The following KIF26B variants were observed in gnomAD, a reference collection of about 807,000 sequenced individuals.
KIF26B encodes the protein kinesin family member 26B, also known as kinesin-like protein KIF26B.
Under a neutral mutation model 151.2 loss-of-function variants are expected in KIF26B, and 63 were observed. That is an observed-to-expected ratio of 0.42 (90% CI 0.34 to 0.51). The LOEUF (loss-of-function observed/expected upper bound fraction) is 0.51, where lower values mean the gene tolerates loss of function less well. KIF26B is among the 20% of genes least tolerant of loss of function. The pLI, the probability that KIF26B is intolerant of heterozygous loss-of-function variation, is 0.07. For missense variants in KIF26B, 2,813 were observed against 2,913.6 expected, an observed-to-expected ratio of 0.97 and a Z score of 0.79; for synonymous variants, 1,357 against 1,262.1, an observed-to-expected ratio of 1.08 and a Z score of -1.59.
At chr1:245,320,956 G>A (rs1035678046) in intron 2 of KIF26B, among the ~76,000 whole-genome samples, 2 of 152,180 alleles carry the variant, frequency 1.3e-5, no homozygotes, top group African/African-American at 4.8e-5. Flanking sequence ...GGGATTACAG[G>A]CGTAAGCCAC....
intron 2 of KIF26B, among the ~76,000 whole-genome samples, chr1:245,303,230 G>T (rs1366016610): frequency 8.1e-6 from 1 of 123,716 alleles, no homozygotes; most frequent in Admixed American, 9.6e-5. Flanking sequence ...ACGGAGTCTC[G>T]CTTTGTCGCC....
intron 2 of KIF26B, among the ~76,000 whole-genome samples, chr1:245,308,218 G>C (rs1304245198): frequency 6.6e-6 from 1 of 152,136 alleles, no homozygotes; most frequent in Non-Finnish European, 1.5e-5. Context: ...CACGCTCCTG[G>C]AATTCTGGGA....
At position 245,614,527 on chromosome 1, in the gene KIF26B, C is replaced by G. The variant is rs533010059; in HGVS notation, c.2098+2551C>G. Among the ~76,000 whole-genome samples the G allele has an allele frequency of 2.7e-3, 407 of 152,336 alleles. 1 individual carries two copies. The highest frequency in any genetic ancestry group is 4.5e-3 in the Non-Finnish European group (304 of 68,040). On this transcript the variant is annotated intron_variant, in intron 9 of 14. Coordinates refer to ENST00000407071, the MANE Select transcript of KIF26B (RefSeq NM_018012.4). ...CTTGGTTCCTACCCTACCACCAGGA[C>G]AGAATGAAAATATCCACAGCTGGGG...
chr1:245,216,846 C>T (rs1669656468), intron 2 of KIF26B, among the ~76,000 whole-genome samples: 1 of 152,206 alleles, frequency 6.6e-6, no homozygotes, highest in Non-Finnish European at 1.5e-5. Context: ...CACGTTCCTG[C>T]CTCAACTGCG....
chr1:245,512,294 GC>G lies in KIF26B; in HGVS notation c.1167-28468del, dbSNP rs1660855504. Among the ~76,000 whole-genome samples, 1 of 152,034 alleles carries G rather than the reference GC, an allele frequency of 6.6e-6. No individual in the cohort carries two copies. Among genetic ancestry groups the G allele is most frequent in the Admixed American group, 6.5e-5 (1 of 15,268 alleles). ...ACCTGTCCACCCTGCCTGTTTCCCA[GC>G]CCCCATCCTTCTCTCTGAGTCTTGG... On this transcript the variant is annotated intron_variant, in intron 4 of 14. Transcript: ENST00000407071. The surrounding 1 kb of genome is among the most constrained non-coding windows in gnomAD (Gnocchi z 4.3).
chr1:245,280,654 G>A (rs1357381218), intron 2 of KIF26B, among the ~76,000 whole-genome samples: 4 of 120,600 alleles, frequency 3.3e-5, no homozygotes, highest in African/African-American at 1.4e-4. Flanking sequence ...TGCACGTTGT[G>A]CAGGTTAGTT....
chr1:245,450,174 C>T (rs1046552090), intron 4 of KIF26B, among the ~76,000 whole-genome samples: 4 of 152,106 alleles, frequency 2.6e-5, no homozygotes, highest in Admixed American at 6.5e-5. Context: ...TGCCTGGACT[C>T]GGTATTTTGG....
At chr1:245,245,857 C>T (rs1211610244) in intron 2 of KIF26B, among the ~76,000 whole-genome samples, 2 of 139,222 alleles carry the variant, frequency 1.4e-5, no homozygotes, top group Admixed American at 7.7e-5. Flanking sequence ...ACCCAAGAGG[C>T]GGAGATTGCA....
chr1:245,579,858 A>G (rs1041333803), intron 5 of KIF26B, among the ~76,000 whole-genome samples: 1 of 152,070 alleles, frequency 6.6e-6, no homozygotes, highest in Non-Finnish European at 1.5e-5. Context: ...CAAAGAAAAA[A>G]AAAAAAAAAG....
At chr1:245,372,240 A>G (rs1328611497) in intron 3 of KIF26B, among the ~76,000 whole-genome samples, 1 of 152,150 alleles carries the variant, frequency 6.6e-6, no homozygotes, top group Non-Finnish European at 1.5e-5. Flanking sequence ...CCTTATGAGA[A>G]TCTAATGCCT....
At chr1:245,533,795 A>G (rs1372104919) in intron 4 of KIF26B, among the ~76,000 whole-genome samples, 3 of 151,800 alleles carry the variant, frequency 2.0e-5, no homozygotes, top group Non-Finnish European at 4.4e-5. Flanking sequence ...ACAATTACAA[A>G]AAAAAAAAAG....
In KIF26B at chr1:245,543,676, G is replaced by A. The variant is rs1465728306; in HGVS notation, c.1350+2726G>A. 4.6e-5 allele frequency among the ~76,000 whole-genome samples: 7 copies of A among 152,158 alleles called. No individual in the cohort carries two copies. In the South Asian group the frequency reaches 6.2e-4, roughly 14 times the overall value. ...GATTGGAACAAGAAGTTGGCTGGGC[G>A]CGGTGGCTCACGCCTGTAATCCAAG... On this transcript the variant is annotated intron_variant, in intron 5 of 14. Coordinates refer to ENST00000407071, the MANE Select transcript of KIF26B (RefSeq NM_018012.4).
intron 2 of KIF26B, among the ~76,000 whole-genome samples, chr1:245,283,370 G>T (rs1558374488): frequency 6.6e-6 from 1 of 151,990 alleles, no homozygotes; most frequent in Non-Finnish European, 1.5e-5. Flanking sequence ...CACCCCATAT[G>T]CTTTCTTTTT....
At position 245,703,007 on chromosome 1, in the gene KIF26B, T is replaced by C. The variant is rs1365451867; in HGVS notation, c.*401T>C. ...ACACAAAACAACCCAGAATGACTGATTAAGTGCCTTGCAAATCTTTATTAT... is the reference window on the plus strand; with the variant it reads ...ACACAAAACAACCCAGAATGACTGACTAAGTGCCTTGCAAATCTTTATTAT... On this transcript the variant is annotated 3_prime_UTR_variant, in exon 15 of 15. Coordinates refer to ENST00000407071, the MANE Select transcript of KIF26B (RefSeq NM_018012.4). The C allele has an allele frequency of 5.6e-6, 1 of 179,650 alleles. No individual in the cohort carries two copies. Among genetic ancestry groups the C allele is most frequent in the East Asian group, 1.5e-4 (1 of 6,706 alleles). 11.1% of individuals were successfully genotyped at this position (179,650 alleles called of 1,614,324 possible). A position where few individuals can be genotyped will look rare whatever the true frequency, so the allele number is the denominator to read the frequency against.
rs149338802 is a variant in KIF26B at position 245,190,634 on chromosome 1, G to GTT, written c.465+33954_465+33955dup. 5.8e-3 allele frequency among the ~76,000 whole-genome samples: 617 copies of GTT among 106,786 alleles called. 12 individuals are homozygous for GTT. Among genetic ancestry groups the GTT allele is most frequent in the East Asian group, 0.015 (53 of 3,452 alleles). The allele number at this position is 106,786 out of a possible 152,430, so 70.1% of individuals were successfully genotyped here. ...CCTATAAGTTTTCCCTGAATGTTTTGTTTTGTTTTTTTTTTTTTTTACATT... is the reference window on the plus strand; with the variant it reads ...CCTATAAGTTTTCCCTGAATGTTTTGTTTTTTGTTTTTTTTTTTTTTTACATT... On this transcript the variant is annotated intron_variant, in intron 2 of 14. Coordinates refer to ENST00000407071, the MANE Select transcript of KIF26B (RefSeq NM_018012.4).
chr1:245,600,250 G>A (rs553564665), intron 5 of KIF26B, among the ~76,000 whole-genome samples: 3 of 127,868 alleles, frequency 2.3e-5, no homozygotes, highest in South Asian at 5.2e-4. Context: ...GTGTTAGCCA[G>A]GATGGTCTCT....
At chr1:245,319,669 G>T (rs1671846412) in intron 2 of KIF26B, among the ~76,000 whole-genome samples, 2 of 152,058 alleles carry the variant, frequency 1.3e-5, no homozygotes, top group Admixed American at 1.3e-4. Context: ...TAATTACTGG[G>T]GATGAAAGTT....
chr1:245,219,124 C>T (rs1433291014), intron 2 of KIF26B, among the ~76,000 whole-genome samples: 1 of 121,678 alleles, frequency 8.2e-6, no homozygotes, highest in East Asian at 2.8e-4. Context: ...CAAATACCTA[C>T]CTCTTTTTTT....
chr1:245,618,660 A>G (rs1190589399), intron 9 of KIF26B, among the ~76,000 whole-genome samples: 1 of 135,580 alleles, frequency 7.4e-6, no homozygotes, highest in Admixed American at 7.5e-5. Flanking sequence ...ATCAGTGTCC[A>G]AGCCCTATTA....
Sources: gnomAD v4.1 joint callset for allele counts (sites outside exome capture counted in the v4.1 genomes callset) on GRCh38, gnomAD v4.1.1 for gene constraint, Gnocchi (gnomAD v3.1) non-coding constraint, MANE v1.5 for transcripts, NCBI Gene and HGNC (gene_info 2026-07-23, HGNC 2026-07-21) for gene names.